SLC35F3: variants seen among roughly 807,000 people sequenced by gnomAD.
SLC35F3 encodes the protein putative thiamine transporter SLC35F3.
SLC35F3 carries 25 observed loss-of-function variants against 49.9 expected under a neutral mutation model. The ratio of observed to expected loss-of-function variants is 0.50; its 90% CI spans 0.37 to 0.70. The LOEUF (loss-of-function observed/expected upper bound fraction) is 0.70. Among genes scored for constraint, SLC35F3 ranks in the 30% least tolerant of loss-of-function variants. The probability of loss-of-function intolerance (pLI) is 0.00; values close to 1 mark genes in which losing one functional copy is unlikely to be tolerated. For synonymous variants in SLC35F3, 275 were observed against 265.4 expected (o/e 1.04, Z -0.35); for missense variants, 525 against 639.8 (o/e 0.82, Z 1.94).
chr1:234,273,989 A>T (rs1018041125), intron 3 of SLC35F3, among the ~76,000 whole-genome samples: 4 of 150,750 alleles, frequency 2.7e-5, no homozygotes, highest in Non-Finnish European at 5.9e-5. Context: ...TGTTTTGGTT[A>T]AAAAAAAACC....
intron 2 of SLC35F3, among the ~76,000 whole-genome samples, chr1:233,998,549 A>G (rs959329453): frequency 1.3e-5 from 2 of 150,768 alleles, no homozygotes; most frequent in African/African-American, 4.9e-5. Context: ...CCACTTAGGA[A>G]GGGATTTCTC....
rs1667377618 is a variant in SLC35F3, at chr1:234,231,613, C to T, written c.480C>T (p.Phe160=). The change falls in exon 3 of 8, where the codon TTC becomes TTT. Residue 160 remains phenylalanine (F), a synonymous_variant. Coordinates refer to ENST00000366618, the MANE Select transcript of SLC35F3 (RefSeq NM_173508.4). The surrounding 1 kb of genome is among the most constrained non-coding windows in gnomAD (Gnocchi z 5.4). The part of the protein sequence containing the change: ...AGSTQLAKLT[F]RKFDAPFTLT... ...CCACGCAGCTCGCCAAGCTGACCTT[C>T]AGGAAGTTCGACGCGCCCTTCACCC... The T allele has an allele frequency of 6.2e-7, 1 of 1,614,218 alleles. No individual in the cohort carries two copies. Among genetic ancestry groups the T allele is most frequent in the African/African-American group, 1.3e-5 (1 of 75,062 alleles).
At chr1:234,122,462 A>T (rs12142422) in intron 2 of SLC35F3, among the ~76,000 whole-genome samples, 49,598 of 151,936 alleles carry the variant, frequency 0.33, 8,792 homozygotes, top group African/African-American at 0.4. Context: ...GCATTTTTTT[A>T]AAATTTTACT....
intron 2 of SLC35F3, among the ~76,000 whole-genome samples, chr1:234,058,406 A>G (rs1157039420): frequency 1.5e-5 from 2 of 135,278 alleles, no homozygotes; most frequent in East Asian, 2.2e-4. Flanking sequence ...GTGCAGTGAC[A>G]TGAGCATGAT....
chr1:233,940,456 T>C (rs183670725), intron 2 of SLC35F3, among the ~76,000 whole-genome samples: 18 of 152,242 alleles, frequency 1.2e-4, no homozygotes, highest in Admixed American at 1.1e-3. Flanking sequence ...CTCCATCTGC[T>C]CTTTCCTTAG....
At chr1:234,234,247 C>G (rs1667428479) in intron 3 of SLC35F3, among the ~76,000 whole-genome samples, 1 of 152,184 alleles carries the variant, frequency 6.6e-6, no homozygotes, top group Non-Finnish European at 1.5e-5. Context: ...GAACAGAGAC[C>G]TGTTCCACCA....
At chr1:234,009,546 A>G (rs974772346) in intron 2 of SLC35F3, among the ~76,000 whole-genome samples, 1 of 152,116 alleles carries the variant, frequency 6.6e-6, no homozygotes, top group African/African-American at 2.4e-5. Context: ...CCCCAGCTCT[A>G]TCTCAGGGGG....
chr1:234,257,753 A>G (rs551961800), intron 3 of SLC35F3, among the ~76,000 whole-genome samples: 2 of 152,368 alleles, frequency 1.3e-5, no homozygotes, highest in South Asian at 4.1e-4. Context: ...CATAAAATCA[A>G]GCAAAACTAA....
At chr1:234,061,080 C>T (rs1202194569) in intron 2 of SLC35F3, among the ~76,000 whole-genome samples, 1 of 152,066 alleles carries the variant, frequency 6.6e-6, no homozygotes, top group African/African-American at 2.4e-5. Flanking sequence ...TTTGTGTAAA[C>T]TCAAATTACT....
In SLC35F3 at chr1:234,232,531, A is replaced by AAAAAAG. The variant is rs1553317261; in HGVS notation, c.608+795_608+796insGAAAAA. On this transcript the variant is annotated intron_variant, in intron 3 of 7. Transcript: ENST00000366618. ...AATCAGGCCTAGTCAAAAAAAAAAA[A>AAAAAAG]AAAAAAAAAGAAAAAGAAAAAAAGA... 8.2e-3 allele frequency among the ~76,000 whole-genome samples: 1,229 copies of AAAAAAG among 149,046 alleles called. 30 individuals carry two copies. Among genetic ancestry groups the AAAAAAG allele is most frequent in the African/African-American group, 0.029 (1,147 of 40,228 alleles).
chr1:234,180,307 G>A (rs1050463918), intron 2 of SLC35F3, among the ~76,000 whole-genome samples: 6 of 152,214 alleles, frequency 3.9e-5, no homozygotes, highest in Non-Finnish European at 5.9e-5. Flanking sequence ...TTCCTTGGGT[G>A]CAAGTTTAGA....
intron 3 of SLC35F3, among the ~76,000 whole-genome samples, chr1:234,298,326 T>A (rs560145): frequency 6.6e-6 from 1 of 152,070 alleles, no homozygotes; most frequent in Non-Finnish European, 1.5e-5. Context: ...AAAAGAACCA[T>A]GTCCAGATCT....
rs573459427 is a variant in SLC35F3 at position 234,137,879 on chromosome 1, G to A, written c.284-93538G>A. Among the ~76,000 whole-genome samples, 3 of 152,150 alleles carry A rather than the reference G, an allele frequency of 2.0e-5. No homozygotes were observed. The South Asian group carries it at 6.2e-4, about 32-fold the overall frequency. On this transcript the variant is annotated intron_variant, in intron 2 of 7. Coordinates refer to ENST00000366618, the MANE Select transcript of SLC35F3 (RefSeq NM_173508.4). ...GAGAAATGGTCCCCATCTGACTGGCGAGGAAAAAGAAGGCTGGATGCGAGA... is the reference window on the plus strand; with the variant it reads ...GAGAAATGGTCCCCATCTGACTGGCAAGGAAAAAGAAGGCTGGATGCGAGA...
At chr1:234,151,077 C>T (rs1305124820) in intron 2 of SLC35F3, among the ~76,000 whole-genome samples, 2 of 152,128 alleles carry the variant, frequency 1.3e-5, no homozygotes, top group African/African-American at 4.8e-5. Flanking sequence ...TAGAAACTGG[C>T]CCAGCAGAGC....
chr1:233,960,094 G>A (rs963943654), intron 2 of SLC35F3, among the ~76,000 whole-genome samples: 6 of 152,194 alleles, frequency 3.9e-5, no homozygotes, highest in Non-Finnish European at 8.8e-5. Flanking sequence ...TTGCAATCTA[G>A]ATCCCGACCT....
chr1:234,043,189 C>A (rs1664246669), intron 2 of SLC35F3, among the ~76,000 whole-genome samples: 2 of 152,264 alleles, frequency 1.3e-5, no homozygotes, highest in East Asian at 3.9e-4. Context: ...CTCAGAGTGA[C>A]CTTACACTTG....
chr1:234,158,309 A>G (rs1440077840), intron 2 of SLC35F3, among the ~76,000 whole-genome samples: 2 of 152,220 alleles, frequency 1.3e-5, no homozygotes, highest in Non-Finnish European at 2.9e-5. Flanking sequence ...ATACATATCT[A>G]TTGTAAAAAA....
In SLC35F3 at chr1:234,237,637, T is replaced by G. The variant is rs142355713; in HGVS notation, c.608+5896T>G. Among the ~76,000 whole-genome samples, 427 of 152,246 alleles carry G rather than the reference T, an allele frequency of 2.8e-3. 1 individual carries two copies. Among genetic ancestry groups the G allele is most frequent in the African/African-American group, 1.0e-2 (414 of 41,566 alleles). On this transcript the variant is annotated intron_variant, in intron 3 of 7. Coordinates refer to ENST00000366618, the MANE Select transcript of SLC35F3 (RefSeq NM_173508.4). ...TGTTGTTCCTATCAACAGTTGTTCT[T>G]TATAGAGTAAGGCCCCTTTGGAAAC...
Position 233,910,945 on chromosome 1 carries a change from G to C in SLC35F3, c.283+5187G>C, listed in dbSNP as rs541721893. Among the ~76,000 whole-genome samples, 9 of 152,282 alleles carry C rather than the reference G, an allele frequency of 5.9e-5. No homozygotes were observed. In the South Asian group the frequency reaches 1.5e-3, roughly 25 times the overall value. The stretch of plus-strand genomic sequence containing the variant: ...CCCACTCCAGCCCGCTATTGGCAAC[G>C]TGAACCTGGGACAGGAACATGCAGG... On this transcript the variant is annotated intron_variant, in intron 2 of 7. Transcript: ENST00000366618.
Sources: gnomAD v4.1 joint callset for allele counts (sites outside exome capture counted in the v4.1 genomes callset) on GRCh38, gnomAD v4.1.1 for gene constraint, Gnocchi (gnomAD v3.1) non-coding constraint, MANE v1.5 for transcripts, NCBI Gene and HGNC (gene_info 2026-07-23, HGNC 2026-07-21) for gene names.